KAT2B: variants seen among roughly 807,000 people sequenced by gnomAD.
KAT2B encodes lysine acetyltransferase 2B, also known as histone acetyltransferase KAT2B.
Under a neutral mutation model 105.9 loss-of-function variants are expected in KAT2B, and 36 were observed. That is an observed-to-expected ratio of 0.34 (90% confidence interval 0.26 to 0.45). KAT2B has a LOEUF of 0.45. Ranked by LOEUF, KAT2B falls within the 20% of genes least tolerant of loss-of-function variation. The probability of loss-of-function intolerance (pLI) is 1.00; values close to 1 mark genes in which losing one functional copy is unlikely to be tolerated. For missense variants in KAT2B, 820 were observed against 1,021.6 expected (o/e 0.80, Z 2.69); for synonymous variants, 397 against 377.9 (o/e 1.05, Z -0.59).
chr3:20,046,736 A>G (rs1026872004), intron 1 of KAT2B, among the ~76,000 whole-genome samples: 7 of 152,092 alleles, frequency 4.6e-5, no homozygotes, highest in African/African-American at 1.7e-4. Context: ...ACACCTTTGT[A>G]TTTGTCAGTC....
intron 11 of KAT2B, among the ~76,000 whole-genome samples, chr3:20,131,822 C>A (rs952828616): frequency 1.3e-5 from 2 of 152,294 alleles, no homozygotes; most frequent in Admixed American, 6.5e-5. Flanking sequence ...CCTTGGCCCC[C>A]CAAAGTGCTG....
At chr3:20,074,382 A>G (rs1477333545) in intron 2 of KAT2B, among the ~76,000 whole-genome samples, 1 of 152,208 alleles carries the variant, frequency 6.6e-6, no homozygotes, top group East Asian at 1.9e-4. Flanking sequence ...AGCTGTGAGT[A>G]TGAGCACATT....
chr3:20,081,147 T>C (rs1433397290), intron 2 of KAT2B, among the ~76,000 whole-genome samples: 2 of 152,234 alleles, frequency 1.3e-5, no homozygotes, highest in African/African-American at 4.8e-5. Flanking sequence ...CAAATTCCCA[T>C]GAACAAAAAA....
At chr3:20,068,278 G>A (rs1288716476) in intron 1 of KAT2B, among the ~76,000 whole-genome samples, 2 of 151,832 alleles carry the variant, frequency 1.3e-5, no homozygotes, top group Admixed American at 1.3e-4. Context: ...TTATAGGTGT[G>A]AGCCACTGTG....
At chr3:20,081,414 C>T (rs769772021) in intron 2 of KAT2B, among the ~76,000 whole-genome samples, 13 of 152,272 alleles carry the variant, frequency 8.5e-5, no homozygotes, top group African/African-American at 2.2e-4. Flanking sequence ...AGCAGTCACA[C>T]GGCGGGTCAC....
intron 5 of KAT2B, among the ~76,000 whole-genome samples, chr3:20,110,199 T>C (rs1286462495): frequency 6.6e-6 from 1 of 152,148 alleles, no homozygotes; most frequent in East Asian, 1.9e-4. Flanking sequence ...GTTTGATTTT[T>C]GGAAGGCAGT....
At chr3:20,120,510 G>T (rs1049129595) in intron 8 of KAT2B, among the ~76,000 whole-genome samples, 1 of 152,254 alleles carries the variant, frequency 6.6e-6, no homozygotes, top group Middle Eastern at 3.4e-3. Context: ...TTATAGGTGT[G>T]AGCCACCATA....
chr3:20,043,604 G>T (rs1559508084), intron 1 of KAT2B, among the ~76,000 whole-genome samples: 1 of 152,070 alleles, frequency 6.6e-6, no homozygotes, highest in Non-Finnish European at 1.5e-5. Flanking sequence ...GAAGCTTGGA[G>T]GTGGGCCAAC....
chr3:20,143,074 C>A (rs1340002385), intron 13 of KAT2B, among the ~76,000 whole-genome samples: 1 of 152,064 alleles, frequency 6.6e-6, no homozygotes, highest in Non-Finnish European at 1.5e-5. Flanking sequence ...CATGCAAAGA[C>A]TGGGTGATGT....
chr3:20,055,993 T>G (rs1697997827), intron 1 of KAT2B, among the ~76,000 whole-genome samples: 1 of 152,218 alleles, frequency 6.6e-6, no homozygotes, highest in South Asian at 2.1e-4. Flanking sequence ...CTGAGGAGTA[T>G]TCTGCTGTAT....
Position 20,125,886 on chromosome 3 carries a change from C to T in KAT2B, c.1414-19C>T, listed in dbSNP as rs756637853. On this transcript the variant is annotated intron_variant, in intron 9 of 17. Coordinates refer to ENST00000263754, the MANE Select transcript of KAT2B (RefSeq NM_003884.5). ...AGAGAATAGCTCTGTGTAATTTTTTCCTGTCTCTTGCATCTCAGACCAATT... is the reference window on the plus strand; with the variant it reads ...AGAGAATAGCTCTGTGTAATTTTTTTCTGTCTCTTGCATCTCAGACCAATT... The T allele has an allele frequency of 2.0e-5, 32 of 1,607,668 alleles. No individual in the cohort carries two copies. The highest frequency in any genetic ancestry group is 4.0e-4 in the Middle Eastern group (2 of 4,956).
intron 11 of KAT2B, among the ~76,000 whole-genome samples, chr3:20,132,969 C>G (rs1054615015): frequency 1.3e-5 from 2 of 152,350 alleles, no homozygotes; most frequent in Admixed American, 1.3e-4. Context: ...TTAGACATTA[C>G]TTTTCCTGTG....
At chr3:20,076,934 G>T (rs1486146921) in intron 2 of KAT2B, among the ~76,000 whole-genome samples, 1 of 152,160 alleles carries the variant, frequency 6.6e-6, no homozygotes, top group Non-Finnish European at 1.5e-5. Flanking sequence ...GAATTTGTCA[G>T]AACAAAACAT....
intron 10 of KAT2B, among the ~76,000 whole-genome samples, chr3:20,126,823 A>G (rs1418789362): frequency 6.9e-6 from 1 of 144,010 alleles, no homozygotes; most frequent in Admixed American, 6.8e-5. Flanking sequence ...CTCCATTTCA[A>G]AAAAAAAAAA....
At chr3:20,049,081 C>T (rs1410377759) in intron 1 of KAT2B, among the ~76,000 whole-genome samples, 12 of 150,992 alleles carry the variant, frequency 7.9e-5, no homozygotes, top group Non-Finnish European at 7.4e-5. Context: ...AAGATGGTCT[C>T]GATTTCTTGA....
At chr3:20,144,729 T>G (rs1699756018) in intron 13 of KAT2B, among the ~76,000 whole-genome samples, 1 of 151,810 alleles carries the variant, frequency 6.6e-6, no homozygotes, top group Admixed American at 6.6e-5. Context: ...ACTGAGGACT[T>G]GATATGTGGT....
chr3:20,107,343 A>G lies in KAT2B; in HGVS notation c.852-4253A>G, dbSNP rs571911634. 7.3e-5 allele frequency among the ~76,000 whole-genome samples: 11 copies of G among 149,812 alleles called. No homozygotes were observed. The South Asian group carries it at 2.3e-3, about 32-fold the overall frequency. ...ACCAGACCTGGCCAATAATATATAT[A>G]TTTTTTACCCAATATATAAAAAATG... On this transcript the variant is annotated intron_variant, in intron 5 of 17. Coordinates refer to ENST00000263754, the MANE Select transcript of KAT2B (RefSeq NM_003884.5).
At chr3:20,072,273 A>G in intron 1 of KAT2B, 60 bp from the exon 2 acceptor site, 1 of 1,560,016 alleles carries the variant, frequency 6.4e-7, no homozygotes, top group Admixed American at 1.7e-5. Context: ...TCTCATGTAA[A>G]ACCATCAGTC....
intron 6 of KAT2B, among the ~76,000 whole-genome samples, chr3:20,112,402 G>T (rs931494354): frequency 6.6e-6 from 1 of 152,174 alleles, no homozygotes; most frequent in Admixed American, 6.5e-5. Context: ...AGGCATAAAT[G>T]ATCATTTAAA....
Sources: gnomAD v4.1 joint callset for allele counts (sites outside exome capture counted in the v4.1 genomes callset) on GRCh38, gnomAD v4.1.1 for gene constraint, MANE v1.5 for transcripts, NCBI Gene and HGNC (gene_info 2026-07-23, HGNC 2026-07-21) for gene names.